DPY19L2: variants seen among roughly 807,000 people sequenced by gnomAD.
DPY19L2 encodes the protein dpy-19 like 2.
Under a neutral mutation model 97.9 loss-of-function variants are expected in DPY19L2, and 34 were observed. The ratio of observed to expected loss-of-function variants is 0.35; its 90% confidence interval spans 0.26 to 0.46. DPY19L2 has a LOEUF of 0.46. Ranked by LOEUF, DPY19L2 falls within the 20% of genes least tolerant of loss-of-function variation. The pLI is 1.00. For synonymous variants in DPY19L2, 230 were observed against 307.9 expected (o/e 0.75, Z 2.65); for missense variants, 623 against 911.4 (o/e 0.68, Z 4.07).
intron 6 of DPY19L2, among the ~76,000 whole-genome samples, chr12:63,633,311 T>A (rs573624737): frequency 2.6e-5 from 4 of 152,122 alleles, no homozygotes; most frequent in African/African-American, 7.2e-5. Flanking sequence ...TGCAATCTAC[T>A]CATCTGACAA....
intron 21 of DPY19L2, among the ~76,000 whole-genome samples, chr12:63,566,418 T>C (rs1206003504): frequency 6.6e-6 from 1 of 151,884 alleles, no homozygotes; most frequent in Non-Finnish European, 1.5e-5. Context: ...ACCACAGAGA[T>C]CCCTTGTATA....
chr12:63,636,570 G>A (rs1438878864), intron 6 of DPY19L2, among the ~76,000 whole-genome samples: 8 of 152,036 alleles, frequency 5.3e-5, no homozygotes, highest in Admixed American at 3.9e-4. Context: ...CAAAAAAAAG[G>A]GATGGAGGAA....
At chr12:63,622,320 G>A (rs540300309) in intron 8 of DPY19L2, among the ~76,000 whole-genome samples, 15 of 152,238 alleles carry the variant, frequency 9.9e-5, no homozygotes, top group Admixed American at 4.6e-4. Context: ...ATAGCAAGGG[G>A]TGATGAAGAA....
At chr12:63,579,350 A>G (rs1035422757) in intron 19 of DPY19L2, among the ~76,000 whole-genome samples, 5 of 152,194 alleles carry the variant, frequency 3.3e-5, no homozygotes, top group African/African-American at 1.2e-4. Context: ...GCAGACCTCA[A>G]TATAAGCACT....
intron 7 of DPY19L2, among the ~76,000 whole-genome samples, chr12:63,625,586 T>TAGA (rs1889396002): frequency 6.6e-6 from 1 of 152,162 alleles, no homozygotes; most frequent in Non-Finnish European, 1.5e-5. Context: ...AATAAGCTTC[T>TAGA]ATGAGCTCTT....
chr12:63,621,054 G>A (rs1888615427), intron 9 of DPY19L2, among the ~76,000 whole-genome samples, 184 bp downstream of exon 9: 1 of 151,786 alleles, frequency 6.6e-6, no homozygotes, highest in Non-Finnish European at 1.5e-5. Context: ...CCTGTCAAGG[G>A]ATGGGGTGGG....
At chr12:63,615,825 A>G (rs1887729903) in intron 11 of DPY19L2, among the ~76,000 whole-genome samples, 1 of 152,124 alleles carries the variant, frequency 6.6e-6, no homozygotes, top group African/African-American at 2.4e-5. Flanking sequence ...ATTTTGATAT[A>G]ATGGTAGTTT....
chr12:63,636,800 C>T (rs755914703), intron 6 of DPY19L2, among the ~76,000 whole-genome samples: 1 of 152,058 alleles, frequency 6.6e-6, no homozygotes, highest in Non-Finnish European at 1.5e-5. Flanking sequence ...CCTTAGAGAC[C>T]TGCAAAGAGA....
intron 2 of DPY19L2, among the ~76,000 whole-genome samples, chr12:63,664,292 A>G (rs1896057886): frequency 6.6e-6 from 1 of 152,010 alleles, no homozygotes; most frequent in Non-Finnish European, 1.5e-5. Context: ...AGCAGAGATC[A>G]TGCCACTGCA....
At position 63,625,724 on chromosome 12, in the gene DPY19L2, T is replaced by A. The variant is rs144658365; in HGVS notation, c.861+745A>T. Among the ~76,000 whole-genome samples, 641 of 152,218 alleles carry A rather than the reference T, an allele frequency of 4.2e-3. 10 individuals are homozygous for A. The highest frequency in any genetic ancestry group is 0.015 in the African/African-American group (604 of 41,542). ...AAGTGAGGGAGCAGGTGGCAGTGTC[T>A]TAACTGTGTCCCTGCTGTCAGGCCT... On this transcript the variant is annotated intron_variant, in intron 7 of 21. Coordinates refer to ENST00000324472, the MANE Select transcript of DPY19L2 (RefSeq NM_173812.5).
At chr12:63,604,933 T>C (rs954564424) in intron 12 of DPY19L2, among the ~76,000 whole-genome samples, 3 of 152,186 alleles carry the variant, frequency 2.0e-5, no homozygotes, top group African/African-American at 7.2e-5. Flanking sequence ...ACATTTTTTA[T>C]ATTATGTTAG....
chr12:63,590,828 A>G (rs1450571997), intron 16 of DPY19L2, among the ~76,000 whole-genome samples: 1 of 151,962 alleles, frequency 6.6e-6, no homozygotes, highest in Non-Finnish European at 1.5e-5. Context: ...ATTATTTTTG[A>G]GATTTAACCC....
At chr12:63,595,060 G>T (rs930444116) in intron 15 of DPY19L2, among the ~76,000 whole-genome samples, 8 of 152,168 alleles carry the variant, frequency 5.3e-5, no homozygotes, top group Non-Finnish European at 1.2e-4. Context: ...AAACAACAGA[G>T]ATGTCGAGGG....
At chr12:63,630,806 CAT>C (rs1890484418) in intron 6 of DPY19L2, among the ~76,000 whole-genome samples, 1 of 152,134 alleles carries the variant, frequency 6.6e-6, no homozygotes, top group African/African-American at 2.4e-5. Flanking sequence ...AAATTAACCA[CAT>C]AGTTGGAAGT....
intron 3 of DPY19L2, among the ~76,000 whole-genome samples, chr12:63,663,526 T>C (rs914346065): frequency 6.6e-6 from 1 of 152,154 alleles, no homozygotes; most frequent in African/African-American, 2.4e-5. Flanking sequence ...CCTCAGCTAT[T>C]ATAATTCATC....
At chr12:63,585,473 TAAGG>T (rs1420421993) in intron 16 of DPY19L2, among the ~76,000 whole-genome samples, 1 of 152,066 alleles carries the variant, frequency 6.6e-6, no homozygotes, top group Non-Finnish European at 1.5e-5. Context: ...GAAGGTCTCT[TAAGG>T]TAATAGTAGA....
At chr12:63,629,305 T>G (rs1890153449) in intron 6 of DPY19L2, among the ~76,000 whole-genome samples, 2 of 151,660 alleles carry the variant, frequency 1.3e-5, no homozygotes, top group Non-Finnish European at 2.9e-5. Context: ...GGCAAAGAAG[T>G]TAAAAACCTT....
At chr12:63,603,685 T>C (rs909152111) in intron 12 of DPY19L2, among the ~76,000 whole-genome samples, 1 of 152,186 alleles carries the variant, frequency 6.6e-6, no homozygotes, top group Non-Finnish European at 1.5e-5. Context: ...TCCATGTCCC[T>C]GTCAAGGACA....
At position 63,626,468 on chromosome 12, in the gene DPY19L2, C is replaced by T; in HGVS notation, c.861+1G>A. ...TAAAAATTGCTTTCTAGAAAACAAA[C>T]CTCTCCATGGTTGAAAAAGAAGCAC... On this transcript the variant is annotated splice_donor_variant, in intron 7 of 21. Transcript: ENST00000324472. LOFTEE classifies it high-confidence loss of function. 1 of 1,576,744 alleles carries T rather than the reference C, an allele frequency of 6.3e-7. No homozygotes were observed. The highest frequency in any genetic ancestry group is 8.6e-7 in the Non-Finnish European group (1 of 1,168,822).
Sources: gnomAD v4.1 joint callset for allele counts (sites outside exome capture counted in the v4.1 genomes callset) on GRCh38, gnomAD v4.1.1 for gene constraint, MANE v1.5 for transcripts, NCBI Gene and HGNC (gene_info 2026-07-23, HGNC 2026-07-21) for gene names.